The following PRKX variants were observed in gnomAD, a reference collection of about 807,000 sequenced individuals.
PRKX encodes cAMP-dependent protein kinase catalytic subunit PRKX.
Under a neutral mutation model 22.0 loss-of-function variants are expected in PRKX, and 12 were observed. The observed-to-expected ratio is 0.54, with a 90% CI of 0.35 to 0.88. PRKX has a LOEUF of 0.88. Ranked by LOEUF, PRKX falls within the 40% of genes least tolerant of loss-of-function variation. The pLI is 0.01. For synonymous variants in PRKX, 134 were observed against 137.7 expected (o/e 0.97, Z 0.19); for missense variants, 217 against 308.0 (o/e 0.70, Z 2.21).
chrX:3,668,689 C>T (rs770824992), intron 2 of PRKX, among the ~76,000 whole-genome samples: 176 of 112,004 alleles, frequency 1.6e-3, no homozygotes, highest in African/African-American at 5.5e-3. Flanking sequence ...GCTGGCTAAG[C>T]CCTGCAACCA....
intron 2 of PRKX, 30 bp downstream of exon 2, chrX:3,674,568 C>A: frequency 8.3e-7 from 1 of 1,204,404 alleles, no homozygotes. Context: ...AGGGAGAGTG[C>A]GTGGGGAGAG....
chrX:3,690,230 G>C lies in PRKX; in HGVS notation c.167-15464C>G, dbSNP rs1219379823. Reference sequence around the variant, plus strand: ...CTTGGAATATTTACTTCAAACTTCAGTTAAAAACAGTAGAGCCAATTCAGC... The same window carrying C: ...CTTGGAATATTTACTTCAAACTTCACTTAAAAACAGTAGAGCCAATTCAGC... On this transcript the variant is annotated intron_variant, in intron 1 of 8. Transcript: ENST00000262848. 1.4e-4 allele frequency among the ~76,000 whole-genome samples: 16 copies of C among 111,633 alleles called. No individual in the cohort carries two copies. The Admixed American group carries it at 1.4e-3, about 10-fold the overall frequency.
intron 4 of PRKX, among the ~76,000 whole-genome samples, chrX:3,630,607 G>T (rs747922613): frequency 8.9e-6 from 1 of 111,816 alleles, no homozygotes; most frequent in African/African-American, 3.2e-5. Flanking sequence ...TCACAGTTCC[G>T]CATGGCTGGG....
intron 1 of PRKX, among the ~76,000 whole-genome samples, chrX:3,711,506 CCCAGCT>C (rs1274218525): frequency 2.7e-5 from 3 of 112,274 alleles, no homozygotes; most frequent in African/African-American, 9.7e-5. Context: ...GGCCTCCAGC[CCCAGCT>C]CCACCTTTCC....
intron 2 of PRKX, among the ~76,000 whole-genome samples, chrX:3,659,750 G>A (rs1335036289): frequency 1.1e-5 from 1 of 89,842 alleles, no homozygotes; most frequent in Non-Finnish European, 2.1e-5. Flanking sequence ...TTTTGAGACA[G>A]TCTTGCTCTG....
At chrX:3,689,506 C>T (rs925148246) in intron 1 of PRKX, among the ~76,000 whole-genome samples, 3 of 111,555 alleles carry the variant, frequency 2.7e-5, no homozygotes, top group Non-Finnish European at 3.8e-5. Context: ...AACGAGACCC[C>T]GTCTCTATTA....
At chrX:3,684,363 T>C (rs1253007506) in intron 1 of PRKX, among the ~76,000 whole-genome samples, 5 of 111,848 alleles carry the variant, frequency 4.5e-5, no homozygotes, top group Admixed American at 1.9e-4. Flanking sequence ...CTCTATCAAG[T>C]GTTGGTTATT....
intron 4 of PRKX, among the ~76,000 whole-genome samples, chrX:3,626,748 T>C (rs1254758980): frequency 2.7e-5 from 3 of 109,162 alleles, no homozygotes; most frequent in Admixed American, 9.9e-5. Flanking sequence ...GGAGAGAATA[T>C]AAAGACCATT....
intron 4 of PRKX, among the ~76,000 whole-genome samples, chrX:3,628,517 T>C (rs1487763174): frequency 9.0e-6 from 1 of 111,728 alleles, no homozygotes; most frequent in Non-Finnish European, 1.9e-5. Flanking sequence ...TGTACAATTA[T>C]TATGTGTCAA....
At chrX:3,707,577 G>A (rs1366473546) in intron 1 of PRKX, among the ~76,000 whole-genome samples, 4 of 110,668 alleles carry the variant, frequency 3.6e-5, no homozygotes, top group African/African-American at 1.0e-4. Context: ...GCAACACAGC[G>A]AGACCCTGTC....
intron 2 of PRKX, among the ~76,000 whole-genome samples, chrX:3,663,442 A>G (rs753927025): frequency 1.6e-3 from 127 of 77,604 alleles, no homozygotes; most frequent in African/African-American, 5.9e-3. Context: ...ACACACACAC[A>G]CACACACACA....
intron 2 of PRKX, among the ~76,000 whole-genome samples, chrX:3,668,373 T>C (rs914440974): frequency 9.1e-6 from 1 of 110,483 alleles, no homozygotes; most frequent in Admixed American, 9.7e-5. Flanking sequence ...GCCTTTAAAA[T>C]TCAAATAGAG....
In PRKX at chrX:3,608,329, G is replaced by A. The variant is rs752748640; in HGVS notation, c.*640C>T. Reference sequence around the variant, plus strand: ...CTTCTTTTAAAGTCTCAAGTTACCAGGTAAGAAGCACTAAAGATACTGAAG... The same window carrying A: ...CTTCTTTTAAAGTCTCAAGTTACCAAGTAAGAAGCACTAAAGATACTGAAG... On this transcript the variant is annotated 3_prime_UTR_variant, in exon 9 of 9. Coordinates refer to ENST00000262848, the MANE Select transcript of PRKX (RefSeq NM_005044.5). 3.7e-5 allele frequency: 4 copies of A among 109,560 alleles called. No homozygotes were observed. The highest frequency in any genetic ancestry group is 5.7e-5 in the Non-Finnish European group (3 of 52,701). 9.0% of individuals were successfully genotyped at this position (109,560 alleles called of 1,213,427 possible). A position where few individuals can be genotyped will look rare whatever the true frequency, so the allele number is the denominator to read the frequency against.
At chrX:3,645,856 C>A (rs1271868008) in intron 3 of PRKX, among the ~76,000 whole-genome samples, 1 of 112,389 alleles carries the variant, frequency 8.9e-6, no homozygotes, top group Non-Finnish European at 1.9e-5. Context: ...ATTGCTTCAG[C>A]CCAGGCATTG....
chrX:3,689,918 A>T (rs972327528), intron 1 of PRKX, among the ~76,000 whole-genome samples: 2 of 111,211 alleles, frequency 1.8e-5, no homozygotes, highest in Non-Finnish European at 3.8e-5. Flanking sequence ...CAGAGCTTGC[A>T]GTGAGCCGAG....
intron 2 of PRKX, among the ~76,000 whole-genome samples, chrX:3,656,990 G>A (rs1342847915): frequency 9.0e-6 from 1 of 111,568 alleles, no homozygotes; most frequent in African/African-American, 3.3e-5. Context: ...CTTCACCGAG[G>A]GCACTGGTCC....
chrX:3,627,492 C>T (rs1286052990), intron 4 of PRKX, among the ~76,000 whole-genome samples: 2 of 106,514 alleles, frequency 1.9e-5, no homozygotes, highest in Admixed American at 1.0e-4. Context: ...GACAGGATCT[C>T]GCTCTGTCTC....
At chrX:3,636,063 C>A (rs1926880635) in intron 4 of PRKX, among the ~76,000 whole-genome samples, 1 of 112,480 alleles carries the variant, frequency 8.9e-6, no homozygotes, top group Non-Finnish European at 1.9e-5. Flanking sequence ...ATGTCTCATT[C>A]CATGAAAATA....
chrX:3,631,651 G>T (rs1228652429), intron 4 of PRKX, among the ~76,000 whole-genome samples: 34 of 112,272 alleles, frequency 3.0e-4, no homozygotes. Context: ...GATCGTCCTG[G>T]ATTAGGATGG....
Sources: gnomAD v4.1 joint callset for allele counts (sites outside exome capture counted in the v4.1 genomes callset) on GRCh38, gnomAD v4.1.1 for gene constraint, MANE v1.5 for transcripts, NCBI Gene and HGNC (gene_info 2026-07-23, HGNC 2026-07-21) for gene names.